Variants in VPS13B observed in about 807,000 individuals in gnomAD.
VPS13B encodes the protein intermembrane lipid transfer protein VPS13B.
A neutral mutation model predicts 426.4 loss-of-function variants in VPS13B; 285 were observed. The observed-to-expected ratio is 0.67, with a 90% CI of 0.61 to 0.74. The LOEUF (loss-of-function observed/expected upper bound fraction) is 0.74, where lower values mean the gene tolerates loss of function less well. Among genes scored for constraint, VPS13B ranks in the 30% least tolerant of loss-of-function variants. VPS13B has a pLI of 0.00. For missense variants in VPS13B, 4,537 were observed against 4,782.6 expected (o/e 0.95, Z 1.51); for synonymous variants, 1,676 against 1,676.4 (o/e 1.00, Z 0.01).
chr8:99,505,837 G>A (rs193009736), intron 27 of VPS13B, among the ~76,000 whole-genome samples: 8 of 152,146 alleles, frequency 5.3e-5, no homozygotes, highest in East Asian at 1.9e-4. Flanking sequence ...CCATAAAACC[G>A]AGGTATGCCT....
chr8:99,335,258 ATT>A (rs1810774575), intron 19 of VPS13B, among the ~76,000 whole-genome samples: 1 of 151,616 alleles, frequency 6.6e-6, no homozygotes, highest in Admixed American at 6.6e-5. Context: ...TTTCTTCTTT[ATT>A]AGTCTTGCTA....
intron 1 of VPS13B, 36 bp from the exon 2 acceptor site, chr8:99,013,724 C>A: frequency 1.2e-6 from 2 of 1,602,894 alleles, no homozygotes; most frequent in Non-Finnish European, 1.7e-6. Flanking sequence ...CTTCACTCTA[C>A]CGCCGACTTC....
chr8:99,455,548 A>T lies in VPS13B; in HGVS notation c.3446-11866A>T, dbSNP rs529636780. 7.9e-5 allele frequency among the ~76,000 whole-genome samples: 12 copies of T among 152,268 alleles called. No homozygotes were observed. The Middle Eastern group carries it at 0.014, about 173-fold the overall frequency. On this transcript the variant is annotated intron_variant, in intron 23 of 61. Transcript: ENST00000357162. The stretch of plus-strand genomic sequence containing the variant: ...ATAATGTAACATTAAATTTATTAAG[A>T]TGTATAACCATCATCATAATAAAGT...
chr8:99,283,014 C>T (rs750526479), intron 19 of VPS13B, among the ~76,000 whole-genome samples: 2 of 152,020 alleles, frequency 1.3e-5, no homozygotes, highest in Non-Finnish European at 2.9e-5. Context: ...TAAAACATAC[C>T]AGCAAACAGA....
At chr8:99,807,617 T>C (rs1324731765) in intron 43 of VPS13B, among the ~76,000 whole-genome samples, 1 of 152,116 alleles carries the variant, frequency 6.6e-6, no homozygotes, top group Non-Finnish European at 1.5e-5. Context: ...GGTACTTTTA[T>C]GTTGTAGAGT....
At chr8:99,495,306 A>G (rs913888076) in intron 25 of VPS13B, among the ~76,000 whole-genome samples, 3 of 152,228 alleles carry the variant, frequency 2.0e-5, no homozygotes, top group Admixed American at 2.0e-4. Flanking sequence ...TTTTATGTAA[A>G]TACGTAAAAC....
In VPS13B at chr8:99,544,782, C is replaced by T. The variant is rs185656321; in HGVS notation, c.4746-11668C>T. ...CAACTTAAAATCCCCAGATAATTTT[C>T]AACTTGTTTCAAGCCCTGCCTAATA... On this transcript the variant is annotated intron_variant, in intron 30 of 61. Coordinates refer to ENST00000357162, the MANE Select transcript of VPS13B (RefSeq NM_152564.5). Among the ~76,000 whole-genome samples, 28 of 152,270 alleles carry T rather than the reference C, an allele frequency of 1.8e-4. No homozygotes were observed. In the East Asian group the frequency reaches 5.2e-3, roughly 28 times the overall value.
At chr8:99,169,585 CAAGGT>C (rs1812210105) in intron 15 of VPS13B, among the ~76,000 whole-genome samples, 1 of 151,814 alleles carries the variant, frequency 6.6e-6, no homozygotes, top group Non-Finnish European at 1.5e-5. Flanking sequence ...GTACATTATA[CAAGGT>C]GAAGACAAAA....
chr8:99,831,433 A>G (rs2130854437), intron 51 of VPS13B, among the ~76,000 whole-genome samples: 2 of 152,304 alleles, frequency 1.3e-5, no homozygotes, highest in Middle Eastern at 3.4e-3. Context: ...CTATTGTTTT[A>G]TACTATTGAA....
At chr8:99,687,845 T>TA (rs1831485066) in intron 35 of VPS13B, among the ~76,000 whole-genome samples, 2 of 151,970 alleles carry the variant, frequency 1.3e-5, no homozygotes, top group South Asian at 4.1e-4. Context: ...CTTTTTTTTT[T>TA]ATGGATAATT....
chr8:99,144,242 A>G (rs927663800), intron 13 of VPS13B, among the ~76,000 whole-genome samples: 1 of 152,050 alleles, frequency 6.6e-6, no homozygotes, highest in Non-Finnish European at 1.5e-5. Context: ...CTGTAATCCC[A>G]GTAGTTAGGG....
chr8:99,579,240 T>C (rs76357216), intron 33 of VPS13B, among the ~76,000 whole-genome samples: 28 of 152,288 alleles, frequency 1.8e-4, no homozygotes, highest in African/African-American at 5.8e-4. Flanking sequence ...TGGAAGAATA[T>C]GATTCAATTT....
At chr8:99,545,990 A>G in intron 30 of VPS13B, among the ~76,000 whole-genome samples, 1 of 152,216 alleles carries the variant, frequency 6.6e-6, no homozygotes, top group South Asian at 2.1e-4. Context: ...TTTGCAAATT[A>G]AGTTATTCAT....
chr8:99,317,720 A>C (rs1384356281), intron 19 of VPS13B, among the ~76,000 whole-genome samples: 2 of 152,112 alleles, frequency 1.3e-5, no homozygotes, highest in Non-Finnish European at 1.5e-5. Flanking sequence ...TAATAATAAA[A>C]AAGGCCTAGA....
chr8:99,395,420 A>T (rs1178302800), intron 21 of VPS13B, among the ~76,000 whole-genome samples: 1 of 152,172 alleles, frequency 6.6e-6, no homozygotes, highest in Non-Finnish European at 1.5e-5. Context: ...GGTGGAAGGC[A>T]TTGAAGTTCC....
chr8:99,475,719 A>G (rs1819656083), intron 24 of VPS13B, among the ~76,000 whole-genome samples: 1 of 152,064 alleles, frequency 6.6e-6, no homozygotes, highest in African/African-American at 2.4e-5. Flanking sequence ...TTGGCCTTGT[A>G]TTTCCTTCCT....
intron 19 of VPS13B, among the ~76,000 whole-genome samples, chr8:99,374,407 A>T (rs1427458469): frequency 6.6e-6 from 1 of 151,940 alleles, no homozygotes; most frequent in Non-Finnish European, 1.5e-5. Flanking sequence ...ATTTCCCTTC[A>T]ATTCTAACAT....
At chr8:99,662,036 A>G (rs1243996709) in intron 35 of VPS13B, among the ~76,000 whole-genome samples, 2 of 152,196 alleles carry the variant, frequency 1.3e-5, no homozygotes, top group Non-Finnish European at 2.9e-5. Context: ...CCCAGGCACT[A>G]TGCATTTTAG....
In VPS13B at chr8:99,136,747, G is replaced by A. The variant is rs886062536; in HGVS notation, c.1646G>A (p.Gly549Asp). ...DYLYTMENTS[G>D]KGSTNQQDFS... The stretch of plus-strand genomic sequence containing the variant: ...CTGTATACAATGGAGAACACTAGTG[G>A]CAAAGGTATTGGCTTCTTTCCTTTA... Residue 549 changes from glycine (G) to aspartate (D), a missense_variant, in exon 12 of 62, where the codon GGC becomes GAC. Physicochemically the swap from Gly to Asp is moderately conservative, Grantham distance 94. Transcript: ENST00000357162. The A allele has an allele frequency of 5.0e-6, 8 of 1,613,276 alleles. No homozygotes were observed. Among genetic ancestry groups the A allele is most frequent in the Middle Eastern group, 1.6e-4 (1 of 6,080 alleles).
Sources: gnomAD v4.1 joint callset for allele counts (sites outside exome capture counted in the v4.1 genomes callset) on GRCh38, gnomAD v4.1.1 for gene constraint, MANE v1.5 for transcripts, NCBI Gene and HGNC (gene_info 2026-07-23, HGNC 2026-07-21) for gene names.